The following TCTN3 variants were observed in gnomAD, a reference collection of about 807,000 sequenced individuals.
TCTN3 encodes tectonic-3.
TCTN3 carries 57 observed loss-of-function variants against 71.3 expected under a neutral mutation model. That is an observed-to-expected ratio of 0.80 (90% CI 0.65 to 1.00). TCTN3 has a LOEUF of 1.00. TCTN3 is among the 50% of genes least tolerant of loss of function. TCTN3 has a pLI of 0.00. For synonymous variants in TCTN3, 258 were observed against 267.8 expected, an observed-to-expected ratio of 0.96 and a Z score of 0.36; for missense variants, 696 against 719.9, an observed-to-expected ratio of 0.97 and a Z score of 0.38.
chr10:95,671,350 T>C (rs890012856), intron 13 of TCTN3, among the ~76,000 whole-genome samples: 3 of 152,204 alleles, frequency 2.0e-5, no homozygotes, highest in Non-Finnish European at 4.4e-5. Flanking sequence ...TTTGTAAAGT[T>C]TGGGGGGTTA....
chr10:95,683,486 A>G, intron 10 of TCTN3, 36 bp downstream of exon 10: 1 of 1,614,132 alleles, frequency 6.2e-7, no homozygotes, highest in East Asian at 2.2e-5. Context: ...TTTTCTCATT[A>G]GGCTGCAACA....
chr10:95,666,167 T>G (rs1236365636), intron 13 of TCTN3, among the ~76,000 whole-genome samples: 2 of 151,782 alleles, frequency 1.3e-5, no homozygotes, highest in Non-Finnish European at 2.9e-5. Context: ...GGTCTCGATC[T>G]CCTGACCTAG....
chr10:95,669,526 T>C (rs1005676315), intron 13 of TCTN3, among the ~76,000 whole-genome samples: 1 of 152,200 alleles, frequency 6.6e-6, no homozygotes, highest in Non-Finnish European at 1.5e-5. Context: ...GCCTTCAGTA[T>C]CTGCTGGTGA....
intron 13 of TCTN3, among the ~76,000 whole-genome samples, chr10:95,670,968 C>G (rs1269452978): frequency 6.6e-6 from 1 of 152,118 alleles, no homozygotes; most frequent in Non-Finnish European, 1.5e-5. Flanking sequence ...AGCCTATTGA[C>G]CCATTTTAGA....
chr10:95,692,455 G>C (rs938144573), intron 3 of TCTN3, among the ~76,000 whole-genome samples: 1 of 151,978 alleles, frequency 6.6e-6, no homozygotes, highest in Non-Finnish European at 1.5e-5. Flanking sequence ...GCAGTGAGCT[G>C]AGATCGTGCC....
intron 12 of TCTN3, among the ~76,000 whole-genome samples, chr10:95,682,442 C>T (rs1216779700): frequency 6.6e-6 from 1 of 151,464 alleles, no homozygotes; most frequent in Non-Finnish European, 1.5e-5. Context: ...TGCAGTGAAC[C>T]GAGATCATGC....
chr10:95,683,597 G>A lies in TCTN3; in HGVS notation c.1128C>T (p.Thr376=), dbSNP rs746803069. 1.2e-6 allele frequency: 2 copies of A among 1,613,830 alleles called. No homozygotes were observed. Among genetic ancestry groups the A allele is most frequent in the Non-Finnish European group, 8.5e-7 (1 of 1,179,946 alleles). ...AFQQSTAASL[T]SPRSGNPGYI... ...AGCCAGGATTCCCACTTCTAGGACT[G>A]GTGAGAGAAGCAGCTGTGCTCTGTT... The change falls in exon 10 of 14, where the codon ACC becomes ACT. Residue 376 remains threonine, a synonymous_variant. Coordinates refer to ENST00000371217, the MANE Select transcript of TCTN3 (RefSeq NM_015631.6).
intron 13 of TCTN3, among the ~76,000 whole-genome samples, chr10:95,675,079 G>T (rs1056526055): frequency 6.6e-6 from 1 of 152,142 alleles, no homozygotes; most frequent in Non-Finnish European, 1.5e-5. Flanking sequence ...ATCAGGGAGA[G>T]ATTTCAAGTG....
rs1566068621 is a variant in TCTN3, at chr10:95,677,490, T to TG, written c.1590+2981_1590+2982insC. 7.7e-4 allele frequency among the ~76,000 whole-genome samples: 114 copies of TG among 148,054 alleles called. 2 individuals carry two copies. In the East Asian group the frequency reaches 8.8e-3, roughly 11 times the overall value. On this transcript the variant is annotated intron_variant, in intron 13 of 13. Coordinates refer to ENST00000371217, the MANE Select transcript of TCTN3 (RefSeq NM_015631.6). ...AAGTCTACAGTTTTTTTTGTTTTTT[T>TG]TTTTTTTTTTTGCTGTATTTTCCCT...
intron 13 of TCTN3, among the ~76,000 whole-genome samples, chr10:95,677,047 C>T (rs975673029): frequency 2.6e-5 from 4 of 152,184 alleles, no homozygotes; most frequent in African/African-American, 9.7e-5. Flanking sequence ...AGATGATTCA[C>T]TTGGTGATAA....
In TCTN3 at chr10:95,684,505, G is replaced by A; in HGVS notation, c.1089C>T (p.Arg363=). The A allele has an allele frequency of 2.5e-6, 4 of 1,614,004 alleles. No individual in the cohort carries two copies. Among genetic ancestry groups the A allele is most frequent in the African/African-American group, 1.3e-5 (1 of 75,038 alleles). ...GASLQQHFIL[R]FRAFQQSTAA... is the part of the protein sequence containing the mutation. The stretch of plus-strand genomic sequence containing the variant: ...ATAAGAGAAGGGCCCTAACCCTGAA[G>A]CGAAGGATGAAGTGTTGCTGTAAGG... Residue 363 remains arginine (R), a synonymous_variant, in exon 9 of 14, where the codon CGC becomes CGT. Coordinates refer to ENST00000371217, the MANE Select transcript of TCTN3 (RefSeq NM_015631.6).
chr10:95,682,909 C>T, intron 11 of TCTN3, 105 bp from the exon 12 acceptor site: 1 of 1,435,374 alleles, frequency 7.0e-7, no homozygotes, highest in Non-Finnish European at 9.4e-7. Context: ...TAAAATAGAC[C>T]AGAGGGTATA....
In TCTN3 at chr10:95,687,713, A is replaced by C. The variant is rs753112420; in HGVS notation, c.506T>G (p.Leu169Ter). The C allele has an allele frequency of 6.2e-7, 1 of 1,609,216 alleles. No individual in the cohort carries two copies. Among genetic ancestry groups the C allele is most frequent in the Admixed American group, 1.7e-5 (1 of 58,424 alleles). ...QFCVHVNNSN[L>*]NYFQKLQKVN... ...CTTTTGAAGCTTCTGGAAATAGTTT[A>C]AGTTTGCTAAAATGTTTTTTAAAAG... Residue 169 changes from leucine to a stop codon, truncating the protein, a stop_gained, in exon 4 of 14, where the codon TTA (leucine) becomes TGA (stop). Transcript: ENST00000371217. LOFTEE classifies it high-confidence loss of function.
At chr10:95,676,741 C>A (rs1015608047) in intron 13 of TCTN3, among the ~76,000 whole-genome samples, 1 of 151,986 alleles carries the variant, frequency 6.6e-6, no homozygotes, top group Non-Finnish European at 1.5e-5. Context: ...CTTCTTGATA[C>A]GCTACTTCTA....
At chr10:95,686,382 T>C (rs1255532182) in intron 7 of TCTN3, 113 bp downstream of exon 7, 1 of 1,119,450 alleles carries the variant, frequency 8.9e-7, no homozygotes, top group South Asian at 1.3e-5. Context: ...CTTAATTGTT[T>C]GCTACATCAC....
At position 95,687,047 on chromosome 10, in the gene TCTN3, T is replaced by C; in HGVS notation, c.849A>G (p.Leu283=). 2 of 1,612,758 alleles carry C rather than the reference T, an allele frequency of 1.2e-6. No individual in the cohort carries two copies. The highest frequency in any genetic ancestry group is 1.7e-6 in the Non-Finnish European group (2 of 1,178,794). ...NAASYYNFTV[L]KVPRSMTDPQ... ...TAGGGAGAGAAAGGACACCTACCTTTAAGACTGTGAAGTTATAGTAAGAGG... is the reference window on the plus strand; with the variant it reads ...TAGGGAGAGAAAGGACACCTACCTTCAAGACTGTGAAGTTATAGTAAGAGG... Residue 283 remains leucine, a synonymous_variant, in exon 6 of 14, where the codon TTA becomes TTG. Transcript: ENST00000371217.
intron 13 of TCTN3, among the ~76,000 whole-genome samples, chr10:95,668,792 C>A (rs1177000251): frequency 6.6e-6 from 1 of 152,130 alleles, no homozygotes; most frequent in Non-Finnish European, 1.5e-5. Context: ...ACGACCACTG[C>A]GGGGCAGCAA....
At chr10:95,670,050 A>G (rs1589603388) in intron 13 of TCTN3, among the ~76,000 whole-genome samples, 1 of 117,808 alleles carries the variant, frequency 8.5e-6, no homozygotes, top group Admixed American at 9.4e-5. Context: ...GGCGACAGCG[A>G]GACTCCGTCT....
intron 3 of TCTN3, among the ~76,000 whole-genome samples, chr10:95,692,142 A>G (rs938016958): frequency 6.6e-6 from 1 of 152,184 alleles, no homozygotes; most frequent in Non-Finnish European, 1.5e-5. Context: ...ATCTGAGTTA[A>G]GAGGAATGAT....
Sources: gnomAD v4.1 joint callset for allele counts (sites outside exome capture counted in the v4.1 genomes callset) on GRCh38, gnomAD v4.1.1 for gene constraint, MANE v1.5 for transcripts, NCBI Gene and HGNC (gene_info 2026-07-23, HGNC 2026-07-21) for gene names.